Variants in SCARA3 observed in about 807,000 individuals in gnomAD.
The protein encoded by SCARA3 is cellular stress response gene protein.
Under a neutral mutation model 47.0 loss-of-function variants are expected in SCARA3, and 39 were observed. That is an observed-to-expected ratio of 0.83 (90% CI 0.64 to 1.08). The LOEUF is 1.08. SCARA3 is among the 50% of genes least tolerant of loss of function. The pLI is 0.00. For synonymous variants in SCARA3, 356 were observed against 334.1 expected (o/e 1.07, Z -0.71); for missense variants, 724 against 792.3 (o/e 0.91, Z 1.04).
At chr8:27,657,730 T>C (rs503224) in intron 4 of SCARA3, among the ~76,000 whole-genome samples, 44,924 of 150,838 alleles carry the variant, frequency 0.3, 7,522 homozygotes, top group South Asian at 0.49. Context: ...TTAGTAGAGA[T>C]GGGGTTTCAC....
intron 3 of SCARA3, among the ~76,000 whole-genome samples, chr8:27,654,116 A>G (rs924033259): frequency 2.6e-5 from 4 of 152,312 alleles, no homozygotes; most frequent in East Asian, 1.9e-4. Context: ...AATGCATTCA[A>G]AAATTTACAT....
the SCARA3 span, among the ~76,000 whole-genome samples, chr8:27,690,177 G>A: frequency 6.6e-6 from 1 of 152,118 alleles, no homozygotes; most frequent in Admixed American, 6.6e-5. Context: ...TCACCGTGTT[G>A]TCGCAAGAAC....
intron 5 of SCARA3, among the ~76,000 whole-genome samples, chr8:27,662,448 T>C (rs1801930558): frequency 6.6e-6 from 1 of 152,212 alleles, no homozygotes; most frequent in Non-Finnish European, 1.5e-5. Flanking sequence ...TTGCCCTACT[T>C]CGTCTGCTGT....
chr8:27,633,678 C>T (rs983004639), upstream of SCARA3, among the ~76,000 whole-genome samples: 1 of 151,950 alleles, frequency 6.6e-6, no homozygotes, highest in Non-Finnish European at 1.5e-5. Context: ...TGTGGGGCTG[C>T]GGGGGCGCAC....
chr8:27,671,723 T>G lies in SCARA3; in HGVS notation c.*372T>G, dbSNP rs1161132260. On this transcript the variant is annotated 3_prime_UTR_variant, in exon 6 of 6. Transcript: ENST00000301904. The stretch of plus-strand genomic sequence containing the variant: ...GCACACATGCATGCACACATACACA[T>G]GCACACACACATGCACACATATATG... 1 of 1,038,670 alleles carries G rather than the reference T, an allele frequency of 9.6e-7. No homozygotes were observed. The allele number at this position is 1,038,670 out of a possible 1,614,324, so 64.3% of individuals were successfully genotyped here.
At chr8:27,724,078 C>T in the SCARA3 span, among the ~76,000 whole-genome samples, 1 of 152,138 alleles carries the variant, frequency 6.6e-6, no homozygotes, top group African/African-American at 2.4e-5. Context: ...ACAGTGAATT[C>T]CCACAACTCT....
At chr8:27,732,798 T>C in the SCARA3 span, among the ~76,000 whole-genome samples, 3 of 152,212 alleles carry the variant, frequency 2.0e-5, no homozygotes, top group Non-Finnish European at 4.4e-5. Context: ...ATTTAAGAAT[T>C]CAAATATGCT....
chr8:27,648,774 C>A (rs35128611), intron 1 of SCARA3, among the ~76,000 whole-genome samples: 2 of 141,196 alleles, frequency 1.4e-5, no homozygotes, highest in African/African-American at 2.6e-5. Context: ...CCCAACAAAA[C>A]GGCAAAGAAA....
At chr8:27,660,733 A>AGATAGATC (rs1294388580) in intron 5 of SCARA3, among the ~76,000 whole-genome samples, 5 of 147,146 alleles carry the variant, frequency 3.4e-5, no homozygotes, top group African/African-American at 7.5e-5. Flanking sequence ...ATAGATAGAT[A>AGATAGATC]GATCCAGAGA....
intron 5 of SCARA3, 62 bp downstream of exon 5, chr8:27,659,601 G>T (rs1005342332): frequency 2.1e-6 from 3 of 1,420,044 alleles, no homozygotes; most frequent in South Asian, 2.8e-5. Flanking sequence ...TGATCTTGCT[G>T]GACACAGAAG....
At chr8:27,714,818 T>C in the SCARA3 span, among the ~76,000 whole-genome samples, 1 of 152,228 alleles carries the variant, frequency 6.6e-6, no homozygotes, top group African/African-American at 2.4e-5. Context: ...AAAAACAGTA[T>C]TGCTTTACAT....
chr8:27,704,184 G>A, the SCARA3 span, among the ~76,000 whole-genome samples: 64 of 152,224 alleles, frequency 4.2e-4, no homozygotes, highest in African/African-American at 1.5e-3. Context: ...AGCAGCTCAT[G>A]CCTATAATTC....
At chr8:27,636,602 G>A (rs1242366219) in intron 1 of SCARA3, among the ~76,000 whole-genome samples, 1 of 152,172 alleles carries the variant, frequency 6.6e-6, no homozygotes, top group Non-Finnish European at 1.5e-5. Flanking sequence ...TTCCTATACA[G>A]GAAGCCAAGC....
chr8:27,711,566 T>C, the SCARA3 span, among the ~76,000 whole-genome samples: 1 of 152,160 alleles, frequency 6.6e-6, no homozygotes. Context: ...CCCTAATTCC[T>C]TTTGGTGGAA....
intron 1 of SCARA3, among the ~76,000 whole-genome samples, chr8:27,636,684 G>A (rs1472986137): frequency 1.3e-5 from 2 of 152,144 alleles, no homozygotes; most frequent in African/African-American, 4.8e-5. Context: ...TGTCTACGGA[G>A]GCCCTGAGGG....
At chr8:27,694,174 C>T in the SCARA3 span, among the ~76,000 whole-genome samples, 1 of 152,160 alleles carries the variant, frequency 6.6e-6, no homozygotes, top group African/African-American at 2.4e-5. Context: ...CCTCATTAAG[C>T]CTCTGTTTTC....
At chr8:27,725,275 G>T in the SCARA3 span, among the ~76,000 whole-genome samples, 10 of 152,070 alleles carry the variant, frequency 6.6e-5, no homozygotes, top group African/African-American at 2.4e-4. Flanking sequence ...GAGCTGGGGG[G>T]AAGCCAGGCA....
At chr8:27,714,761 T>C in the SCARA3 span, among the ~76,000 whole-genome samples, 25 of 152,344 alleles carry the variant, frequency 1.6e-4, no homozygotes, top group South Asian at 1.7e-3. Context: ...TTTTCTCCAA[T>C]GCTTGGAGCC....
At chr8:27,686,782 C>G in the SCARA3 span, among the ~76,000 whole-genome samples, 13 of 152,178 alleles carry the variant, frequency 8.5e-5, no homozygotes, top group Admixed American at 6.5e-4. Context: ...CCCCTATTTT[C>G]TGTTTATCTT....
Sources: allele counts gnomAD v4.1 joint callset (sites outside exome capture counted in the v4.1 genomes callset), GRCh38; gene constraint gnomAD v4.1.1; transcripts MANE v1.5; gene names NCBI Gene and HGNC (gene_info 2026-07-23, HGNC 2026-07-21).